LIMCH1: variants seen among roughly 807,000 people sequenced by gnomAD.
LIMCH1 encodes the protein LIM and calponin homology domains 1, also known as LIM and calponin homology domains-containing protein 1.
LIMCH1 carries 113 observed loss-of-function variants against 176.5 expected under a neutral mutation model. The observed-to-expected ratio is 0.64, with a 90% CI of 0.55 to 0.75. The LOEUF is 0.75. Ranked by LOEUF, LIMCH1 falls within the 30% of genes least tolerant of loss-of-function variation. LIMCH1 has a pLI of 0.00. For missense variants in LIMCH1, 1,674 were observed against 1,814.9 expected (o/e 0.92, Z 1.41); for synonymous variants, 619 against 645.9 (o/e 0.96, Z 0.63).
chr4:41,447,155 A>G (rs2063366905), intron 1 of LIMCH1, among the ~76,000 whole-genome samples: 2 of 152,208 alleles, frequency 1.3e-5, no homozygotes, highest in African/African-American at 2.4e-5. Flanking sequence ...GCCTGAGCCC[A>G]GGAGCTTGAG....
At chr4:41,623,510 C>A (rs1450309826) in intron 7 of LIMCH1, among the ~76,000 whole-genome samples, 1 of 152,150 alleles carries the variant, frequency 6.6e-6, no homozygotes, top group Non-Finnish European at 1.5e-5. Flanking sequence ...GTAATTCGAG[C>A]ACTTTGGCAG....
chr4:41,506,807 CT>C (rs1184688352), intron 2 of LIMCH1, among the ~76,000 whole-genome samples: 1 of 152,132 alleles, frequency 6.6e-6, no homozygotes, highest in Non-Finnish European at 1.5e-5. Flanking sequence ...GTTTTTATCC[CT>C]CATAATGACC....
chr4:41,518,913 A>G (rs2075850375), intron 2 of LIMCH1, among the ~76,000 whole-genome samples: 1 of 103,740 alleles, frequency 9.6e-6, no homozygotes, highest in Admixed American at 8.2e-5. Context: ...GGACATGAAC[A>G]CATTTTTTTT....
Position 41,613,502 on chromosome 4 carries a change from C to T in LIMCH1, c.46C>T (p.Arg16Ter), listed in dbSNP as rs752144396. Reference sequence around the variant, plus strand: ...CATTGAAAGTCCTAAACGCAGTATCCGAGACAGTGGCTACATCGACTGCTG... The same window carrying T: ...CATTGAAAGTCCTAAACGCAGTATCTGAGACAGTGGCTACATCGACTGCTG... Reference protein sequence around the residue: ...DDIESPKRSIRDSGYIDCWDS... With the variant: ...DDIESPKRSI Residue 16 changes from arginine to a stop codon, truncating the protein, a stop_gained, in exon 5 of 32, where the codon CGA (arginine) becomes TGA (stop). Coordinates refer to ENST00000503057, the MANE Select transcript of LIMCH1 (RefSeq NM_001330672.2). LOFTEE classifies it high-confidence loss of function. 6 of 1,614,070 alleles carry T rather than the reference C, an allele frequency of 3.7e-6. No individual in the cohort carries two copies. Among genetic ancestry groups the T allele is most frequent in the African/African-American group, 1.3e-5 (1 of 75,026 alleles).
At chr4:41,426,737 G>A (rs939645591) in intron 1 of LIMCH1, among the ~76,000 whole-genome samples, 3 of 152,146 alleles carry the variant, frequency 2.0e-5, no homozygotes, top group Non-Finnish European at 4.4e-5. Flanking sequence ...ACCCATTCCC[G>A]AGTGTGTTTG....
intron 3 of LIMCH1, among the ~76,000 whole-genome samples, chr4:41,525,146 T>G (rs2076496650): frequency 6.6e-6 from 1 of 152,224 alleles, no homozygotes; most frequent in African/African-American, 2.4e-5. Flanking sequence ...TCATCGATGT[T>G]GCCTTTGTGT....
chr4:41,697,078 G>A (rs1731267271), intron 31 of LIMCH1, 82 bp from the exon 32 acceptor site: 3 of 1,414,138 alleles, frequency 2.1e-6, no homozygotes, highest in African/African-American at 1.4e-5. Flanking sequence ...AAAGGCAGTT[G>A]CTCATTAGGG....
chr4:41,624,492 C>T (rs919742748), intron 7 of LIMCH1, among the ~76,000 whole-genome samples: 15 of 151,142 alleles, frequency 9.9e-5, no homozygotes, highest in African/African-American at 3.6e-4. Context: ...TTGCACGAAC[C>T]TTTGTGACTC....
chr4:41,631,835 C>T (rs768170646), intron 10 of LIMCH1, among the ~76,000 whole-genome samples: 3 of 152,162 alleles, frequency 2.0e-5, no homozygotes, highest in Non-Finnish European at 2.9e-5. Flanking sequence ...TTATGTATAA[C>T]CTCTCTCTTT....
intron 1 of LIMCH1, among the ~76,000 whole-genome samples, chr4:41,420,056 G>T (rs2060478469): frequency 6.6e-6 from 1 of 152,008 alleles, no homozygotes. Flanking sequence ...GGATGAGGGG[G>T]GCCTTCTACT....
At chr4:41,630,068 A>C (rs114781221) in intron 9 of LIMCH1, among the ~76,000 whole-genome samples, 7,739 of 152,116 alleles carry the variant, frequency 0.051, 663 homozygotes, top group African/African-American at 0.18. Context: ...AGCTTCCCAA[A>C]GTCTTGGGAT....
At chr4:41,388,088 C>T (rs1281658541) in intron 1 of LIMCH1, among the ~76,000 whole-genome samples, 6 of 152,032 alleles carry the variant, frequency 3.9e-5, no homozygotes, top group Admixed American at 6.6e-5. Context: ...CCAGCCTGGG[C>T]GAAAGAGCAA....
At chr4:41,599,524 A>G (rs949837050) in intron 2 of LIMCH1, among the ~76,000 whole-genome samples, 1 of 152,198 alleles carries the variant, frequency 6.6e-6, no homozygotes, top group African/African-American at 2.4e-5. Context: ...AACTTTGACT[A>G]TATCTACTTA....
intron 1 of LIMCH1, among the ~76,000 whole-genome samples, chr4:41,476,566 C>G (rs2067779334): frequency 6.6e-6 from 1 of 152,198 alleles, no homozygotes; most frequent in Non-Finnish European, 1.5e-5. Context: ...CACCTGCTGT[C>G]TGTATCACAA....
At chr4:41,363,877 G>A (rs904295278) in intron 1 of LIMCH1, among the ~76,000 whole-genome samples, 1 of 152,218 alleles carries the variant, frequency 6.6e-6, no homozygotes, top group Non-Finnish European at 1.5e-5. Flanking sequence ...AGAGGAGACA[G>A]CAAACTTGAA....
At chr4:41,453,977 C>T (rs1582452067) in intron 1 of LIMCH1, among the ~76,000 whole-genome samples, 2 of 152,158 alleles carry the variant, frequency 1.3e-5, no homozygotes, top group African/African-American at 4.8e-5. Flanking sequence ...CTCCAACACT[C>T]TTACTCTGGT....
At chr4:41,375,661 G>T (rs551743158) in intron 1 of LIMCH1, among the ~76,000 whole-genome samples, 1 of 152,252 alleles carries the variant, frequency 6.6e-6, no homozygotes, top group South Asian at 2.1e-4. Flanking sequence ...GGTCCAGGGG[G>T]TGTGCAGCTC....
intron 1 of LIMCH1, among the ~76,000 whole-genome samples, chr4:41,415,634 T>G (rs2059853251): frequency 6.6e-6 from 1 of 152,156 alleles, no homozygotes; most frequent in Admixed American, 6.5e-5. Context: ...CTTGGTTAGC[T>G]ATTGTCCTTT....
intron 2 of LIMCH1, among the ~76,000 whole-genome samples, chr4:41,500,584 G>T (rs2073092888): frequency 6.6e-6 from 1 of 152,196 alleles, no homozygotes; most frequent in Non-Finnish European, 1.5e-5. Flanking sequence ...TAGGTAGATG[G>T]TTCATATTTC....
Sources: allele counts gnomAD v4.1 joint callset (sites outside exome capture counted in the v4.1 genomes callset), GRCh38; gene constraint gnomAD v4.1.1; transcripts MANE v1.5; gene names NCBI Gene and HGNC (gene_info 2026-07-23, HGNC 2026-07-21).